Variants in XYLT1 observed in about 807,000 individuals in gnomAD.
XYLT1 encodes the protein beta-D-xylosyltransferase 1.
In XYLT1, 36 loss-of-function variants were observed where a neutral mutation model predicts 91.3. The ratio of observed to expected loss-of-function variants is 0.39; its 90% CI spans 0.30 to 0.52. The LOEUF is 0.52. XYLT1 is among the 20% of genes least tolerant of loss of function. The pLI is 0.68. For missense variants in XYLT1, 1,242 were observed against 1,284.5 expected (o/e 0.97, Z 0.51); for synonymous variants, 588 against 532.0 (o/e 1.11, Z -1.45).
At chr16:17,459,838 T>C (rs889237770) in intron 1 of XYLT1, among the ~76,000 whole-genome samples, 1 of 152,158 alleles carries the variant, frequency 6.6e-6, no homozygotes, top group Admixed American at 6.5e-5. Context: ...GATGAATGAA[T>C]GGATGAGTAG....
rs532740911 is a variant in XYLT1 at position 17,351,587 on chromosome 16, T to C, written c.402+6425A>G. Among the ~76,000 whole-genome samples the C allele has an allele frequency of 2.0e-5, 3 of 152,174 alleles. No individual in the cohort carries two copies. In the South Asian group the frequency reaches 6.2e-4, roughly 32 times the overall value. On this transcript the variant is annotated intron_variant, in intron 2 of 11. Coordinates refer to ENST00000261381, the MANE Select transcript of XYLT1 (RefSeq NM_022166.4). ...CCTACAGCTGGTTAAAGTCTGAACT[T>C]AAACCAGAAAGGGTGATGTTTGAAC...
intron 1 of XYLT1, among the ~76,000 whole-genome samples, chr16:17,413,830 C>T (rs1328688152): frequency 6.6e-6 from 1 of 152,130 alleles, no homozygotes; most frequent in African/African-American, 2.4e-5. Flanking sequence ...CAGGAGCAAG[C>T]CTCTCACATG....
chr16:17,468,976 A>G (rs1002009920), intron 1 of XYLT1, among the ~76,000 whole-genome samples: 1 of 152,274 alleles, frequency 6.6e-6, no homozygotes, highest in Non-Finnish European at 1.5e-5. Context: ...CTCTGTAAAG[A>G]AGAGATCGCA....
chr16:17,338,029 A>T, intron 2 of XYLT1: 1 of 362,242 alleles, frequency 2.8e-6, no homozygotes, highest in South Asian at 2.0e-5. Flanking sequence ...CGGCCTCCCA[A>T]AGTGCTGGGA....
chr16:17,221,373 T>C lies in XYLT1; in HGVS notation c.914-20719A>G, dbSNP rs1288516469. ...ATCAAGAGTGTTTTCGGTTGGTTGG[T>C]TGGTTGGTGGCAATTTTTCCAGTTC... is the stretch of plus-strand genomic sequence containing the variant. On this transcript the variant is annotated intron_variant, in intron 3 of 11. Transcript: ENST00000261381. Among the ~76,000 whole-genome samples the C allele has an allele frequency of 2.0e-5, 3 of 152,106 alleles. No homozygotes were observed. The East Asian group carries it at 5.8e-4, about 29-fold the overall frequency.
intron 1 of XYLT1, among the ~76,000 whole-genome samples, chr16:17,454,903 T>TTCC (rs2036717751): frequency 1.4e-4 from 5 of 36,986 alleles, no homozygotes; most frequent in African/African-American, 9.3e-4. Context: ...CATTCTTTCC[T>TTCC]CCCCCCCCCG....
intron 2 of XYLT1, among the ~76,000 whole-genome samples, chr16:17,279,067 CCTCCCTAA>C (rs762135176): frequency 9.8e-5 from 15 of 152,332 alleles, no homozygotes; most frequent in South Asian, 2.1e-4. Context: ...ACAGTCTCTC[CCTCCCTAA>C]TGCACCTTTC....
intron 1 of XYLT1, among the ~76,000 whole-genome samples, chr16:17,467,395 T>C (rs2036912565): frequency 6.6e-6 from 1 of 152,182 alleles, no homozygotes; most frequent in Non-Finnish European, 1.5e-5. Flanking sequence ...TTTTCCTCCC[T>C]TTATAAGGGA....
rs1470393499 is a variant in XYLT1, at chr16:17,183,161, T to C, written c.1289+15051A>G. On this transcript the variant is annotated intron_variant, in intron 5 of 11. Transcript: ENST00000261381. ...ATCAAGTCATGTGACGTTGGGCAAG[T>C]CACTTGAACACTCTGAGTCCTGGTG... 2.0e-5 allele frequency among the ~76,000 whole-genome samples: 3 copies of C among 152,180 alleles called. No individual in the cohort carries two copies. In the East Asian group the frequency reaches 5.8e-4, roughly 29 times the overall value.
chr16:17,378,314 C>T (rs1406268812), intron 1 of XYLT1, among the ~76,000 whole-genome samples: 1 of 151,198 alleles, frequency 6.6e-6, no homozygotes, highest in East Asian at 1.9e-4. Context: ...TTTTTTTTCA[C>T]CAAAAAATGC....
chr16:17,226,735 A>T (rs2033073144), intron 3 of XYLT1, among the ~76,000 whole-genome samples: 1 of 151,768 alleles, frequency 6.6e-6, no homozygotes, highest in Non-Finnish European at 1.5e-5. Context: ...GTGAGCCGAG[A>T]TCACACCACT....
At chr16:17,134,161 T>G (rs138593427) in intron 9 of XYLT1, among the ~76,000 whole-genome samples, 13 of 152,302 alleles carry the variant, frequency 8.5e-5, no homozygotes, top group Admixed American at 2.6e-4. Flanking sequence ...ACCTTCCACT[T>G]AAGACAAATG....
chr16:17,138,730 T>C, intron 7 of XYLT1, 199 bp from the exon 8 acceptor site: 1 of 556,146 alleles, frequency 1.8e-6, no homozygotes. Context: ...TCTTTATAAA[T>C]TACCAAGCCT....
intron 2 of XYLT1, among the ~76,000 whole-genome samples, chr16:17,296,204 C>G (rs184637243): frequency 2.6e-5 from 4 of 152,050 alleles, no homozygotes; most frequent in East Asian, 1.9e-4. Context: ...GGCTAGGGAG[C>G]AGTCCAAGGG....
chr16:17,378,824 C>A (rs1388809134), intron 1 of XYLT1, among the ~76,000 whole-genome samples: 2 of 152,208 alleles, frequency 1.3e-5, no homozygotes, highest in African/African-American at 4.8e-5. Flanking sequence ...CAAGTCCAAG[C>A]TCTTTATACT....
intron 1 of XYLT1, among the ~76,000 whole-genome samples, chr16:17,433,409 A>G (rs2036414783): frequency 6.6e-6 from 1 of 152,214 alleles, no homozygotes; most frequent in South Asian, 2.1e-4. Flanking sequence ...GAAAAACAAT[A>G]TTTCCAGCAG....
intron 2 of XYLT1, among the ~76,000 whole-genome samples, chr16:17,293,956 G>T (rs1265580417): frequency 6.6e-6 from 1 of 152,166 alleles, no homozygotes; most frequent in Non-Finnish European, 1.5e-5. Flanking sequence ...AGGCTCTGGG[G>T]TCAGAGAAGA....
At chr16:17,441,000 T>C (rs1045482017) in intron 1 of XYLT1, among the ~76,000 whole-genome samples, 3 of 152,092 alleles carry the variant, frequency 2.0e-5, no homozygotes, top group Non-Finnish European at 4.4e-5. Flanking sequence ...TGAGATAATA[T>C]AGTTAAGGAC....
intron 5 of XYLT1, among the ~76,000 whole-genome samples, chr16:17,173,141 G>A (rs1012888001): frequency 2.6e-5 from 4 of 152,180 alleles, no homozygotes; most frequent in African/African-American, 7.2e-5. Flanking sequence ...TTCATTGCTC[G>A]CTGATGAATT....
Sources: gnomAD v4.1 joint callset for allele counts (sites outside exome capture counted in the v4.1 genomes callset) on GRCh38, gnomAD v4.1.1 for gene constraint, MANE v1.5 for transcripts, NCBI Gene and HGNC (gene_info 2026-07-23, HGNC 2026-07-21) for gene names.